Variants in NPL observed in about 807,000 individuals in gnomAD.
NPL encodes N-acetylneuraminate lyase.
Under a neutral mutation model 41.1 loss-of-function variants are expected in NPL, and 32 were observed. That is an observed-to-expected ratio of 0.78 (90% CI 0.59 to 1.05). NPL has a LOEUF of 1.05. NPL is among the 50% of genes least tolerant of loss of function. NPL has a pLI of 0.00. For synonymous variants in NPL, 128 were observed against 134.9 expected, an observed-to-expected ratio of 0.95 and a Z score of 0.35; for missense variants, 321 against 378.4, an observed-to-expected ratio of 0.85 and a Z score of 1.26.
intron 10 of NPL, among the ~76,000 whole-genome samples, chr1:182,819,074 C>T (rs1667417039): frequency 6.6e-6 from 1 of 151,618 alleles, no homozygotes; most frequent in South Asian, 2.1e-4. Flanking sequence ...AATCCCAGCA[C>T]TTTGGGAGGC....
intron 12 of NPL, chr1:182,826,190 A>G (rs1667626114): frequency 6.7e-6 from 2 of 299,286 alleles, no homozygotes; most frequent in Non-Finnish European, 1.3e-5. Context: ...TAAATTGTGA[A>G]TGACTGACAG....
chr1:182,810,458 T>C (rs371163032), intron 5 of NPL, among the ~76,000 whole-genome samples: 1 of 152,210 alleles, frequency 6.6e-6, no homozygotes, highest in Non-Finnish European at 1.5e-5. Context: ...CCCAGTATCA[T>C]ACCTATCTTC....
At chr1:182,823,130 C>A (rs895295442) in intron 11 of NPL, among the ~76,000 whole-genome samples, 1 of 152,068 alleles carries the variant, frequency 6.6e-6, no homozygotes, top group East Asian at 1.9e-4. Context: ...GTCTGAGAGG[C>A]GTGAGGATTT....
intron 3 of NPL, among the ~76,000 whole-genome samples, chr1:182,797,075 A>G (rs2102529045): frequency 6.6e-6 from 1 of 151,508 alleles, no homozygotes; most frequent in African/African-American, 2.4e-5. Flanking sequence ...CTCCAAAGGA[A>G]GTTCAACCAC....
chr1:182,798,233 C>CTTTTTT (rs58974453), intron 3 of NPL, among the ~76,000 whole-genome samples: 3 of 130,032 alleles, frequency 2.3e-5, no homozygotes, highest in Admixed American at 7.8e-5. Flanking sequence ...GAAAGACTTG[C>CTTTTTT]TTTTTTTTTT....
Position 182,816,742 on chromosome 1 carries a change from G to T in NPL, c.393G>T (p.Val131=), listed in dbSNP as rs1323715517. Reference sequence around the variant, plus strand: ...TCCTGATTAATTTCCTAAAGGAAGTGGCTGCTGCCGCCCCTGCCCTGCCAT... The same window carrying T: ...TCCTGATTAATTTCCTAAAGGAAGTTGCTGCTGCCGCCCCTGCCCTGCCAT... The part of the protein sequence containing the change: ...KDILINFLKE[V]AAAAPALPFY... The change falls in exon 8 of 13, where the codon GTG becomes GTT. Residue 131 remains valine (V), a synonymous_variant. Transcript: ENST00000367553. 1 of 1,612,824 alleles carries T rather than the reference G, an allele frequency of 6.2e-7. No individual in the cohort carries two copies. Among genetic ancestry groups the T allele is most frequent in the Admixed American group, 1.7e-5 (1 of 60,012 alleles).
chr1:182,823,309 C>T (rs893512747), intron 11 of NPL, among the ~76,000 whole-genome samples: 3 of 152,134 alleles, frequency 2.0e-5, no homozygotes, highest in African/African-American at 7.2e-5. Flanking sequence ...ATCAGAAGTA[C>T]AAAGTATCCT....
In NPL at chr1:182,820,487, A is replaced by G. The variant is rs1667459766; in HGVS notation, c.653+1628A>G. On this transcript the variant is annotated intron_variant, in intron 10 of 12. Coordinates refer to ENST00000367553, the MANE Select transcript of NPL (RefSeq NM_030769.3). ...AGGAAATTTGAATGTGTATTTGTTG[A>G]CCATATGTATTAATTCATTCTCACA... 2.0e-5 allele frequency among the ~76,000 whole-genome samples: 3 copies of G among 152,318 alleles called. No individual in the cohort carries two copies. In the South Asian group the frequency reaches 6.2e-4, roughly 32 times the overall value.
chr1:182,826,287 AAAAT>A (rs1323885463), intron 12 of NPL: 6 of 174,510 alleles, frequency 3.4e-5, no homozygotes, highest in Non-Finnish European at 1.2e-5. Flanking sequence ...ATGACAAAGT[AAAAT>A]TGGGGAGCAG....
chr1:182,819,642 C>T (rs895827306), intron 10 of NPL, among the ~76,000 whole-genome samples: 1 of 151,828 alleles, frequency 6.6e-6, no homozygotes, highest in Non-Finnish European at 1.5e-5. Context: ...AAGAAAAATT[C>T]AGTCATTGTT....
chr1:182,809,696 G>T (rs1667123587), intron 5 of NPL: 1 of 152,190 alleles, frequency 6.6e-6, no homozygotes, highest in African/African-American at 2.4e-5. Context: ...AGAACAAGGA[G>T]TTGGGTAGAA....
chr1:182,798,961 G>T (rs1429595051), intron 3 of NPL, among the ~76,000 whole-genome samples: 1 of 152,220 alleles, frequency 6.6e-6, no homozygotes, highest in Non-Finnish European at 1.5e-5. Context: ...AAAGGCAAAA[G>T]AAAATGGAAA....
At chr1:182,797,950 A>G (rs916381288) in intron 3 of NPL, among the ~76,000 whole-genome samples, 4 of 152,200 alleles carry the variant, frequency 2.6e-5, no homozygotes, top group Non-Finnish European at 5.9e-5. Context: ...GAGTGAATAT[A>G]CTGCAGGAAT....
intron 7 of NPL, 39 bp from the exon 8 acceptor site, chr1:182,816,675 C>T (rs756142421): frequency 1.1e-5 from 16 of 1,408,474 alleles, no homozygotes; most frequent in African/African-American, 2.9e-5. Flanking sequence ...CACTGTTTTA[C>T]ACCTGTTCAC....
At position 182,803,750 on chromosome 1, in the gene NPL, CA is replaced by C; in HGVS notation, c.122del (p.Gln41ArgfsTer3). 2 of 1,612,650 alleles carry C rather than the reference CA, an allele frequency of 1.2e-6. No homozygotes were observed. Among genetic ancestry groups the C allele is most frequent in the Non-Finnish European group, 1.7e-6 (2 of 1,178,658 alleles). On this transcript the variant is annotated frameshift_variant, in exon 4 of 13. Transcript: ENST00000367553. LOFTEE classifies it high-confidence loss of function. ...GTATGTGGATTATCTTGTGAAAGAA[CA>C]GGGAGTGAAGAACATTTTTGGTAAG... is the stretch of plus-strand genomic sequence containing the variant. ...GQYVDYLVKE[Q>X]GVKNIFVNGT...
At chr1:182,801,030 G>T (rs1338384823) in intron 3 of NPL, among the ~76,000 whole-genome samples, 1 of 151,932 alleles carries the variant, frequency 6.6e-6, no homozygotes, top group African/African-American at 2.4e-5. Flanking sequence ...ATGCCCAGCA[G>T]CCCTGACATT....
intron 2 of NPL, among the ~76,000 whole-genome samples, chr1:182,792,856 G>A (rs1007856915): frequency 2.0e-5 from 3 of 152,202 alleles, no homozygotes; most frequent in African/African-American, 7.2e-5. Flanking sequence ...AGAAGATATG[G>A]TCTCTGTACT....
chr1:182,804,418 G>A (rs765819634), intron 4 of NPL, among the ~76,000 whole-genome samples: 52 of 152,176 alleles, frequency 3.4e-4, no homozygotes, highest in African/African-American at 1.1e-3. Context: ...GTGAGCCACC[G>A]CGCCCAGCCT....
rs144001821 is a variant in NPL, at chr1:182,794,421, C to T, written c.50C>T (p.Thr17Met). The T allele has an allele frequency of 2.0e-4, 326 of 1,614,152 alleles. No homozygotes were observed. Among genetic ancestry groups the T allele is most frequent in the East Asian group, 3.8e-4 (17 of 44,884 alleles). The change falls in exon 3 of 13, where the codon ACG becomes ATG. Residue 17 changes from threonine (T) to methionine (M), a missense_variant. Physicochemically the swap from Thr to Met is moderately conservative, Grantham distance 81. Coordinates refer to ENST00000367553, the MANE Select transcript of NPL (RefSeq NM_030769.3). ...CAGGGTCTTGTGGCTGCAACCATCACGCCAATGACTGAGAATGGGTAACTA... is the reference window on the plus strand; with the variant it reads ...CAGGGTCTTGTGGCTGCAACCATCATGCCAATGACTGAGAATGGGTAACTA... ...KLQGLVAATI[T>M]PMTENGEINF... is the part of the protein sequence containing the mutation.
Sources: allele counts gnomAD v4.1 joint callset (sites outside exome capture counted in the v4.1 genomes callset), GRCh38; gene constraint gnomAD v4.1.1; transcripts MANE v1.5; gene names NCBI Gene and HGNC (gene_info 2026-07-23, HGNC 2026-07-21).